Variants in DDX21 observed in about 807,000 individuals in gnomAD.
DDX21 encodes DExD-box helicase 21.
DDX21 carries 18 observed loss-of-function variants against 90.0 expected under a neutral mutation model. The ratio of observed to expected loss-of-function variants is 0.20; its 90% CI spans 0.14 to 0.30. The LOEUF is 0.30. Among genes scored for constraint, DDX21 ranks in the 10% least tolerant of loss-of-function variants. DDX21 has a pLI of 1.00. For missense variants in DDX21, 673 were observed against 944.5 expected, an observed-to-expected ratio of 0.71 and a Z score of 3.77; for synonymous variants, 294 against 318.0, an observed-to-expected ratio of 0.92 and a Z score of 0.80.
In DDX21 at chr10:68,982,791, C is replaced by T. The variant is rs1564631388; in HGVS notation, c.2331C>T (p.Phe777=). Residue 777 remains phenylalanine, a synonymous_variant, in exon 15 of 15, where the codon TTC becomes TTT. Transcript: ENST00000354185. ...AAAACAAAGGCCAGAAGCGGAGTTTCAGTAAAGCATTTGGTCAATAATTAG... is the reference window on the plus strand; with the variant it reads ...AAAACAAAGGCCAGAAGCGGAGTTTTAGTAAAGCATTTGGTCAATAATTAG... ...RSQNKGQKRS[F]SKAFGQ 3 of 1,614,070 alleles carry T rather than the reference C, an allele frequency of 1.9e-6. No homozygotes were observed. Among genetic ancestry groups the T allele is most frequent in the Non-Finnish European group, 2.5e-6 (3 of 1,180,014 alleles).
intron 7 of DDX21, among the ~76,000 whole-genome samples, chr10:68,969,574 G>A (rs963086641): frequency 9.9e-5 from 15 of 152,088 alleles, no homozygotes; most frequent in Non-Finnish European, 1.5e-4. Flanking sequence ...CACCACGCCC[G>A]GCCCGATATC....
intron 2 of DDX21, among the ~76,000 whole-genome samples, chr10:68,961,030 A>G (rs960338097): frequency 1.3e-5 from 2 of 152,250 alleles, no homozygotes; most frequent in African/African-American, 4.8e-5. Flanking sequence ...GAACAGGATG[A>G]TAAAATGTCT....
At position 68,971,978 on chromosome 10, in the gene DDX21, G is replaced by A. The variant is rs995322786; in HGVS notation, c.1474G>A (p.Val492Met). 2 of 1,614,166 alleles carry A rather than the reference G, an allele frequency of 1.2e-6. No individual in the cohort carries two copies. Among genetic ancestry groups the A allele is most frequent in the East Asian group, 4.5e-5 (2 of 44,884 alleles). ...TAGAAATGGTAGTTTTGGAGTTTTG[G>A]TGGCAACCAATGTTGCTGCACGTGG... ...GFRNGSFGVL[V>M]ATNVAARGLD... The change falls in exon 9 of 15, where the codon GTG (valine) becomes ATG (methionine). Residue 492 changes from valine to methionine, a missense_variant. By Grantham distance (21) the Val-to-Met change is conservative. This residue lies in a region of DDX21 where 26 missense variants were observed against 76.9 expected (regional missense o/e 0.34). Transcript: ENST00000354185.
At chr10:68,969,605 A>G (rs117810319) in intron 7 of DDX21, among the ~76,000 whole-genome samples, 3,264 of 152,248 alleles carry the variant, frequency 0.021, 52 homozygotes, top group Non-Finnish European at 0.034. Context: ...AAATTTCATC[A>G]TCTATGGCCT....
At position 68,967,093 on chromosome 10, in the gene DDX21, A is replaced by G. The variant is rs766281840; in HGVS notation, c.980A>G (p.Lys327Arg). 12 of 1,612,470 alleles carry G rather than the reference A, an allele frequency of 7.4e-6. No individual in the cohort carries two copies. Among genetic ancestry groups the G allele is most frequent in the Admixed American group, 1.7e-5 (1 of 59,702 alleles). The stretch of plus-strand genomic sequence containing the variant: ...ATCAAAGACCACATACAGAATGGCA[A>G]ACTAGATCTCACCAAACTTAAGCAT... ...GRIKDHIQNG[K>R]LDLTKLKHVV... The change falls in exon 6 of 15, where the codon AAA (lysine) becomes AGA (arginine). Residue 327 changes from lysine (K) to arginine (R), a missense_variant. By Grantham distance (26) the Lys-to-Arg change is conservative. Transcript: ENST00000354185.
At chr10:68,982,455 A>T (rs1385179144) in intron 14 of DDX21, 88 bp from the exon 15 acceptor site, 1 of 1,497,310 alleles carries the variant, frequency 6.7e-7, no homozygotes, top group African/African-American at 1.4e-5. Flanking sequence ...CTTTTCTTTG[A>T]AGAAGTGGCA....
rs1335509446 is a variant in DDX21, at chr10:68,956,282, A to C, written c.57A>C (p.Lys19Asn). The change falls in exon 1 of 15, where the codon AAA (lysine) becomes AAC (asparagine). Residue 19 changes from lysine to asparagine, a missense_variant. Coordinates refer to ENST00000354185, the MANE Select transcript of DDX21 (RefSeq NM_004728.4). Reference protein sequence around the residue: ...AGLESDTAMKKGETLRKQTEE... With the variant: ...AGLESDTAMKNGETLRKQTEE... ...TGGAATCAGACACCGCAATGAAAAA[A>C]GGGGAGACACTGCGAAAGCAAACCG... The C allele has an allele frequency of 4.3e-6, 7 of 1,614,176 alleles. No homozygotes were observed. Among genetic ancestry groups the C allele is most frequent in the Non-Finnish European group, 5.1e-6 (6 of 1,180,010 alleles).
intron 5 of DDX21, among the ~76,000 whole-genome samples, 182 bp from the exon 6 acceptor site, chr10:68,966,836 A>T (rs1396019856): frequency 6.6e-6 from 1 of 152,052 alleles, no homozygotes; most frequent in Non-Finnish European, 1.5e-5. Context: ...TTTCACTTCT[A>T]ATGTTTTTCC....
chr10:68,973,560 A>G lies in DDX21; in HGVS notation c.1564A>G (p.Ile522Val). ...SSPPKDVESY[I>V]HRSGRTGRAG... ...ACTTCAATAGGATGTAGAGTCCTAC[A>G]TTCATCGATCCGGGCGGACAGGCAG... Residue 522 changes from isoleucine to valine, a missense_variant, in exon 10 of 15, where the codon ATT becomes GTT. Ile to Val is a conservative substitution (Grantham distance 29). This residue lies in a region of DDX21 where 26 missense variants were observed against 76.9 expected (regional missense o/e 0.34). Transcript: ENST00000354185. 5 of 1,614,108 alleles carry G rather than the reference A, an allele frequency of 3.1e-6. No homozygotes were observed. The highest frequency in any genetic ancestry group is 4.2e-6 in the Non-Finnish European group (5 of 1,179,990).
At chr10:68,976,352 A>G (rs1029553055) in intron 11 of DDX21, among the ~76,000 whole-genome samples, 3 of 151,506 alleles carry the variant, frequency 2.0e-5, no homozygotes, top group Admixed American at 6.6e-5. Context: ...GAGTGGTGCA[A>G]TCTCATCTCA....
intron 8 of DDX21, among the ~76,000 whole-genome samples, chr10:68,970,751 C>G (rs913955128): frequency 6.6e-6 from 1 of 152,056 alleles, no homozygotes; most frequent in African/African-American, 2.4e-5. Context: ...TTCTTGGGTT[C>G]AAGCAGTTCT....
chr10:68,981,555 C>T lies in DDX21; in HGVS notation c.2056C>T (p.Pro686Ser). ...TTTCTAGGGTGTTTGCTTTGATGTA[C>T]CTACCGCATCAGTAACAGAAATACA... ...KGKLGVCFDV[P>S]TASVTEIQEK... The change falls in exon 14 of 15, where the codon CCT becomes TCT. Residue 686 changes from proline (P) to serine (S), a missense_variant. By Grantham distance (74) the Pro-to-Ser change is moderately conservative. Coordinates refer to ENST00000354185, the MANE Select transcript of DDX21 (RefSeq NM_004728.4). 1 of 1,612,690 alleles carries T rather than the reference C, an allele frequency of 6.2e-7. No homozygotes were observed. The highest frequency in any genetic ancestry group is 8.5e-7 in the Non-Finnish European group (1 of 1,179,564).
chr10:68,968,071 G>T (rs1194496921), intron 6 of DDX21, among the ~76,000 whole-genome samples: 1 of 151,792 alleles, frequency 6.6e-6, no homozygotes, highest in African/African-American at 2.4e-5. Context: ...TGTAGAGCTG[G>T]GTTTCACCAT....
Position 68,963,331 on chromosome 10 carries a change from A to T in DDX21, c.648A>T (p.Thr216=). The change falls in exon 4 of 15, where the codon ACA becomes ACT. Residue 216 remains threonine (T), a synonymous_variant. Coordinates refer to ENST00000354185, the MANE Select transcript of DDX21 (RefSeq NM_004728.4). ...TCCTATTTCCTATACAAGCAAAGAC[A>T]TTCCATCATGTTTACAGCGGGAAGG... ...VTFLFPIQAK[T]FHHVYSGKDL... 6.2e-7 allele frequency: 1 copy of T among 1,613,980 alleles called. No individual in the cohort carries two copies. Among genetic ancestry groups the T allele is most frequent in the Non-Finnish European group, 8.5e-7 (1 of 1,179,940 alleles).
In DDX21 at chr10:68,970,381, G is replaced by A; in HGVS notation, c.1386+31G>A. On this transcript the variant is annotated intron_variant, in intron 8 of 14. Coordinates refer to ENST00000354185, the MANE Select transcript of DDX21 (RefSeq NM_004728.4). The stretch of plus-strand genomic sequence containing the variant: ...TCCTTCCCCTTATGCCAGCAAAACT[G>A]GGGATATCAACAAATCTTCACCTTG... The A allele has an allele frequency of 1.9e-6, 3 of 1,597,598 alleles. No homozygotes were observed. In the South Asian group the frequency reaches 3.4e-5, roughly 18 times the overall value.
chr10:68,970,096 A>T, intron 7 of DDX21, 105 bp from the exon 8 acceptor site: 1 of 1,131,476 alleles, frequency 8.8e-7, no homozygotes, highest in Non-Finnish European at 1.2e-6. Context: ...TGTTTCCAGG[A>T]GCAAGACATT....
chr10:68,967,909 T>A (rs113811463), intron 6 of DDX21, among the ~76,000 whole-genome samples: 3,870 of 152,216 alleles, frequency 0.025, 60 homozygotes, highest in African/African-American at 0.051. Flanking sequence ...TTGTTTTTTT[T>A]TTTGAGACAG....
intron 6 of DDX21, among the ~76,000 whole-genome samples, chr10:68,967,506 T>A (rs1842955584): frequency 6.6e-6 from 1 of 151,762 alleles, no homozygotes; most frequent in South Asian, 2.1e-4. Context: ...TAATAAAGCC[T>A]TGGGAAATTG....
rs980660832 is a variant in DDX21, at chr10:68,962,459, T to A, written c.607+302T>A. Among the ~76,000 whole-genome samples the A allele has an allele frequency of 2.0e-5, 3 of 152,300 alleles. No individual in the cohort carries two copies. In the South Asian group the frequency reaches 6.2e-4, roughly 32 times the overall value. On this transcript the variant is annotated intron_variant, in intron 3 of 14. Transcript: ENST00000354185. The stretch of plus-strand genomic sequence containing the variant: ...TGAGAACCTGTCCCGACAAAAAGTT[T>A]AAAAATTAGCTGGGCACGTGGTAAC...
Sources: gnomAD v4.1 joint callset for allele counts (sites outside exome capture counted in the v4.1 genomes callset) on GRCh38, gnomAD v4.1.1 for gene constraint, gnomAD v4.1.1 regional missense constraint, MANE v1.5 for transcripts, NCBI Gene and HGNC (gene_info 2026-07-23, HGNC 2026-07-21) for gene names.